GPHN: variants seen among roughly 807,000 people sequenced by gnomAD.
The protein encoded by GPHN is gephyrin.
In GPHN, 17 loss-of-function variants were observed where a neutral mutation model predicts 95.5. That is an observed-to-expected ratio of 0.18 (90% confidence interval 0.12 to 0.27). The LOEUF is 0.27. Among genes scored for constraint, GPHN ranks in the 10% least tolerant of loss-of-function variants. GPHN has a pLI of 1.00. For missense variants in GPHN, 660 were observed against 978.1 expected (o/e 0.67, Z 4.34); for synonymous variants, 320 against 322.5 (o/e 0.99, Z 0.08).
Position 66,965,321 on chromosome 14 carries a change from C to G in GPHN, c.959C>G (p.Pro320Arg). ...CTCTCTACAGCTTCCTGCCCAACAC[C>G]AAAAGTAAGTATGGTTCCTTCGCAT... is the stretch of plus-strand genomic sequence containing the variant. The part of the protein sequence containing the change: ...SRLSTASCPT[P>R]KVQSRCSSKE... Residue 320 changes from proline to arginine, a missense_variant, in exon 9 of 23, where the codon CCA (proline) becomes CGA (arginine). Pro to Arg is a moderately radical substitution (Grantham distance 103). Coordinates refer to ENST00000478722, the MANE Select transcript of GPHN (RefSeq NM_020806.5). The G allele has an allele frequency of 2.5e-6, 4 of 1,613,398 alleles. No individual in the cohort carries two copies. The highest frequency in any genetic ancestry group is 3.4e-6 in the Non-Finnish European group (4 of 1,179,526).
At chr14:66,704,417 A>G (rs1368677785) in intron 2 of GPHN, among the ~76,000 whole-genome samples, 1 of 152,190 alleles carries the variant, frequency 6.6e-6, no homozygotes, top group Admixed American at 6.5e-5. Context: ...AATTGGAAGT[A>G]AAACGCTCCT....
intron 12 of GPHN, among the ~76,000 whole-genome samples, chr14:67,100,140 G>A (rs762296778): frequency 6.6e-6 from 1 of 151,878 alleles, no homozygotes; most frequent in Non-Finnish European, 1.5e-5. Context: ...TACTGCCTAT[G>A]TATTCTAACT....
At chr14:66,673,925 T>A (rs1294249861) in intron 1 of GPHN, among the ~76,000 whole-genome samples, 6 of 152,178 alleles carry the variant, frequency 3.9e-5, no homozygotes, top group African/African-American at 1.4e-4. Context: ...TTACACAATG[T>A]GTAATTATAA....
At chr14:67,070,717 T>TAC (rs2076265183) in intron 11 of GPHN, among the ~76,000 whole-genome samples, 1 of 93,432 alleles carries the variant, frequency 1.1e-5, no homozygotes, top group Admixed American at 1.2e-4. Context: ...AAAAAAAAAA[T>TAC]ATATATATAT....
chr14:67,735,329 A>G, the GPHN span: 1 of 786,314 alleles, frequency 1.3e-6, no homozygotes. Flanking sequence ...CGACACCAAA[A>G]GGACCATCTA....
At chr14:67,657,867 G>A in the GPHN span, among the ~76,000 whole-genome samples, 21 of 150,892 alleles carry the variant, frequency 1.4e-4, no homozygotes, top group Non-Finnish European at 2.4e-4. Context: ...TGCTGCCTCA[G>A]CCTCCCAAGT....
chr14:67,332,724 CT>C, the GPHN span: 3 of 1,528,874 alleles, frequency 2.0e-6, no homozygotes, highest in Non-Finnish European at 2.7e-6. Flanking sequence ...CTGACTCATC[CT>C]ATATTATTTG....
At chr14:66,792,907 C>T (rs139253510) in intron 3 of GPHN, among the ~76,000 whole-genome samples, 23 of 152,364 alleles carry the variant, frequency 1.5e-4, no homozygotes, top group African/African-American at 5.3e-4. Context: ...TTATGGGAAA[C>T]GAAGGGATGG....
chr14:67,570,405 A>G, the GPHN span: 3 of 401,658 alleles, frequency 7.5e-6, no homozygotes, highest in Non-Finnish European at 1.0e-5. Context: ...TAGAATTGCA[A>G]TATTTTCATA....
the GPHN span, chr14:67,587,507 G>A: frequency 2.1e-6 from 1 of 471,232 alleles, no homozygotes; most frequent in Non-Finnish European, 3.9e-6. Context: ...TCTAGACATA[G>A]ACAGGGATGA....
the GPHN span, among the ~76,000 whole-genome samples, chr14:67,310,106 A>G: frequency 6.6e-6 from 1 of 151,984 alleles, no homozygotes; most frequent in African/African-American, 2.4e-5. Context: ...AAAACTACAT[A>G]GGAGATTTTT....
chr14:67,329,665 G>A, the GPHN span, among the ~76,000 whole-genome samples: 1 of 151,896 alleles, frequency 6.6e-6, no homozygotes, highest in Admixed American at 6.6e-5. Context: ...CATCACTTGA[G>A]GCCAGGAGTT....
At chr14:66,932,260 G>A (rs753510020) in intron 8 of GPHN, among the ~76,000 whole-genome samples, 2 of 151,918 alleles carry the variant, frequency 1.3e-5, no homozygotes, top group Admixed American at 1.3e-4. Flanking sequence ...CCTGGAGTTG[G>A]GGAAGGGTTA....
At chr14:67,577,544 A>G in the GPHN span, 5 of 644,066 alleles carry the variant, frequency 7.8e-6, no homozygotes, top group Non-Finnish European at 1.4e-5. Flanking sequence ...CAGGGTCCCT[A>G]TCACTTCCTG....
At chr14:67,169,752 T>C (rs2082490459) in intron 21 of GPHN, among the ~76,000 whole-genome samples, 1 of 152,214 alleles carries the variant, frequency 6.6e-6, no homozygotes, top group African/African-American at 2.4e-5. Context: ...AATGCTATGA[T>C]TAGTTGACAG....
the GPHN span, among the ~76,000 whole-genome samples, chr14:67,635,709 C>T: frequency 2.6e-5 from 4 of 152,018 alleles, no homozygotes; most frequent in Non-Finnish European, 4.4e-5. Context: ...AAAAATTAGC[C>T]GGGCGTGGTG....
intron 2 of GPHN, among the ~76,000 whole-genome samples, chr14:66,765,418 G>T (rs2058927504): frequency 1.3e-5 from 2 of 152,116 alleles, no homozygotes; most frequent in Admixed American, 1.3e-4. Flanking sequence ...TCATTTAAAT[G>T]CCCATCAGTG....
the GPHN span, chr14:67,241,346 T>TGCGGCGGTG: frequency 2.0e-5 from 3 of 146,902 alleles, no homozygotes; most frequent in Admixed American, 6.8e-5. Flanking sequence ...TGCTGGCGGC[T>TGCGGCGGTG]GCGGCGGTGA....
At chr14:67,657,792 G>A in the GPHN span, among the ~76,000 whole-genome samples, 31 of 138,174 alleles carry the variant, frequency 2.2e-4, no homozygotes, top group African/African-American at 3.5e-4. Flanking sequence ...TCTGTCGCCC[G>A]GGCTGGAGTG....
Sources: gnomAD v4.1 joint callset for allele counts (sites outside exome capture counted in the v4.1 genomes callset) on GRCh38, gnomAD v4.1.1 for gene constraint, MANE v1.5 for transcripts, NCBI Gene and HGNC (gene_info 2026-07-23, HGNC 2026-07-21) for gene names.